Variants in TMEM68 observed in about 807,000 individuals in gnomAD.
The protein encoded by TMEM68 is transmembrane protein 68.
In TMEM68, 25 loss-of-function variants were observed where a neutral mutation model predicts 36.9. That is an observed-to-expected ratio of 0.68 (90% CI 0.49 to 0.95). The LOEUF (loss-of-function observed/expected upper bound fraction) is 0.95. Among genes scored for constraint, TMEM68 ranks in the 40% least tolerant of loss-of-function variants. The pLI, the probability that TMEM68 is intolerant of heterozygous loss-of-function variation, is 0.00. For synonymous variants in TMEM68, 131 were observed against 124.4 expected (o/e 1.05, Z -0.35); for missense variants, 333 against 392.0 (o/e 0.85, Z 1.27).
At chr8:55,753,267 G>T (rs924651479) in intron 4 of TMEM68, among the ~76,000 whole-genome samples, 1 of 151,830 alleles carries the variant, frequency 6.6e-6, no homozygotes, top group Admixed American at 6.6e-5. Flanking sequence ...TTAAGTAAAT[G>T]TTCTAGTCAT....
intron 5 of TMEM68, among the ~76,000 whole-genome samples, chr8:55,748,923 G>A (rs1810358572): frequency 6.6e-6 from 1 of 152,150 alleles, no homozygotes. Context: ...TATTACTGGG[G>A]TCTTGACATC....
At chr8:55,754,466 T>TAC (rs71256558) in intron 4 of TMEM68, among the ~76,000 whole-genome samples, 62 of 118,942 alleles carry the variant, frequency 5.2e-4, no homozygotes, top group South Asian at 2.0e-3. Flanking sequence ...TATATATATA[T>TAC]ACACACACAC....
At chr8:55,762,191 G>T (rs11984852) in intron 3 of TMEM68, 1,965 of 155,770 alleles carry the variant, frequency 0.013, 38 homozygotes, top group African/African-American at 0.045. Flanking sequence ...TGAATCAACA[G>T]AAAATGCATA....
At chr8:55,773,143 G>A (rs925574354) in intron 1 of TMEM68, 126 bp downstream of exon 1, 2 of 152,514 alleles carry the variant, frequency 1.3e-5, no homozygotes, top group African/African-American at 4.8e-5. Flanking sequence ...GGCGGCTCCT[G>A]GGAGACCGGA....
intron 4 of TMEM68, among the ~76,000 whole-genome samples, chr8:55,755,248 A>T (rs1810567614): frequency 1.3e-5 from 2 of 151,684 alleles, no homozygotes. Flanking sequence ...GTAGTATAAT[A>T]TTACATGAAG....
chr8:55,743,678 TAA>T (rs1810174875), intron 6 of TMEM68, 58 bp from the exon 7 acceptor site: 1 of 1,446,240 alleles, frequency 6.9e-7, no homozygotes, highest in Non-Finnish European at 9.2e-7. Context: ...CATGTAACTG[TAA>T]ACTTTCAAAT....
intron 1 of TMEM68, among the ~76,000 whole-genome samples, chr8:55,772,745 G>A (rs571142867): frequency 6.6e-6 from 1 of 152,186 alleles, no homozygotes; most frequent in Non-Finnish European, 1.5e-5. Context: ...GCCTGCCCAG[G>A]TCACAAGGTA....
Position 55,759,739 on chromosome 8 carries a change from T to C in TMEM68, c.325+2896A>G, listed in dbSNP as rs115066770. ...CATTCACAAACATAAGACTTCATTTTTATGTATTTAAACAATTCTTTAGAA... is the reference window on the plus strand; with the variant it reads ...CATTCACAAACATAAGACTTCATTTCTATGTATTTAAACAATTCTTTAGAA... On this transcript the variant is annotated intron_variant, in intron 3 of 7. Transcript: ENST00000434581. 6.0e-3 allele frequency among the ~76,000 whole-genome samples: 907 copies of C among 152,326 alleles called. 5 individuals are homozygous for C. Among genetic ancestry groups the C allele is most frequent in the African/African-American group, 0.02 (837 of 41,572 alleles).
intron 7 of TMEM68, 148 bp from the exon 8 acceptor site, chr8:55,740,366 T>C (rs948940453): frequency 4.9e-5 from 29 of 596,722 alleles, no homozygotes; most frequent in South Asian, 3.8e-4. Flanking sequence ...GGTTTCACTA[T>C]GTTTCCCAGG....
chr8:55,756,864 G>A (rs1810623753), intron 3 of TMEM68, among the ~76,000 whole-genome samples: 1 of 152,158 alleles, frequency 6.6e-6, no homozygotes, highest in Non-Finnish European at 1.5e-5. Context: ...CTGGCAGGAG[G>A]GGCCAGAGCC....
intron 5 of TMEM68, chr8:55,746,414 GATTCAGTAT>G (rs1431053838): frequency 1.4e-5 from 2 of 146,536 alleles, no homozygotes; most frequent in East Asian, 4.1e-4. Context: ...AAATATCAAT[GATTCAGTAT>G]ATTTTTAATA....
chr8:55,766,538 G>A (rs990931224), intron 1 of TMEM68, among the ~76,000 whole-genome samples: 1 of 151,974 alleles, frequency 6.6e-6, no homozygotes, highest in East Asian at 1.9e-4. Context: ...CACCACGCCC[G>A]GCTAATTTTT....
chr8:55,754,969 ACACACACAT>A lies in TMEM68; in HGVS notation c.493+1266_493+1274del, dbSNP rs1174465476. 2.1e-4 allele frequency among the ~76,000 whole-genome samples: 29 copies of A among 140,878 alleles called. 1 individual carries two copies. The highest frequency in any genetic ancestry group is 6.2e-4 in the Admixed American group (8 of 12,896). The allele number at this position is 140,878 out of a possible 152,430, so 92.4% of individuals were successfully genotyped here. ...TACACACACACACACACACACACAC[ACACACACAT>A]AGCCTTTATAAACAGATTTTTTTAA... is the stretch of plus-strand genomic sequence containing the variant. On this transcript the variant is annotated intron_variant, in intron 4 of 7. Transcript: ENST00000434581.
At chr8:55,765,631 T>C (rs1810941050) in intron 1 of TMEM68, among the ~76,000 whole-genome samples, 1 of 152,230 alleles carries the variant, frequency 6.6e-6, no homozygotes, top group Admixed American at 6.5e-5. Context: ...GCTAAAAATA[T>C]GCTACTATTT....
intron 4 of TMEM68, among the ~76,000 whole-genome samples, chr8:55,753,607 C>T (rs1220799048): frequency 1.3e-5 from 2 of 152,196 alleles, no homozygotes; most frequent in African/African-American, 4.8e-5. Context: ...ACTTAATTCA[C>T]TGTTTGGTTG....
In TMEM68 at chr8:55,739,172, A is replaced by C. The variant is rs185995636; in HGVS notation, c.*960T>G. On this transcript the variant is annotated 3_prime_UTR_variant, in exon 8 of 8. Transcript: ENST00000434581. The stretch of plus-strand genomic sequence containing the variant: ...ATTCAAGTATATTTTTATTGAAGCA[A>C]TAAACCACTTCACTGGCTGTAGAGT... 6.5e-6 allele frequency: 1 copy of C among 152,778 alleles called. No homozygotes were observed. Among genetic ancestry groups the C allele is most frequent in the Non-Finnish European group, 1.5e-5 (1 of 68,046 alleles). The allele number at this position is 152,778 out of a possible 1,614,324, so 9.5% of individuals were successfully genotyped here. A position where few individuals can be genotyped will look rare whatever the true frequency, so the allele number is the denominator to read the frequency against.
intron 3 of TMEM68, among the ~76,000 whole-genome samples, chr8:55,758,502 T>C (rs1293882918): frequency 6.6e-6 from 1 of 152,232 alleles, no homozygotes; most frequent in East Asian, 1.9e-4. Flanking sequence ...ATGGAAACTA[T>C]AAAATAACTA....
intron 3 of TMEM68, among the ~76,000 whole-genome samples, chr8:55,758,479 T>C (rs1287970561): frequency 6.6e-6 from 1 of 152,212 alleles, no homozygotes. Flanking sequence ...CACCCAAATG[T>C]TGAAACTATC....
In TMEM68 at chr8:55,769,018, TAA is replaced by T. The variant is rs200493179; in HGVS notation, c.-115+4249_-115+4250del. ...GTGAAAGAGCAAGAGACTCTGTCTT[TAA>T]AAAAAAAAAAAAAAAAAAAAAGGGC... On this transcript the variant is annotated intron_variant, in intron 1 of 7. Coordinates refer to ENST00000434581, the MANE Select transcript of TMEM68 (RefSeq NM_001286657.2). Among the ~76,000 whole-genome samples the T allele has an allele frequency of 7.6e-4, 62 of 82,090 alleles. 2 individuals carry two copies. Among genetic ancestry groups the T allele is most frequent in the East Asian group, 2.1e-3 (6 of 2,852 alleles). The allele number at this position is 82,090 out of a possible 152,430, so 53.9% of individuals were successfully genotyped here.
Sources: gnomAD v4.1 joint callset for allele counts (sites outside exome capture counted in the v4.1 genomes callset) on GRCh38, gnomAD v4.1.1 for gene constraint, MANE v1.5 for transcripts, NCBI Gene and HGNC (gene_info 2026-07-23, HGNC 2026-07-21) for gene names.